Variants in DUSP16 observed in about 807,000 individuals in gnomAD.
DUSP16 encodes the protein dual specificity protein phosphatase 16.
Under a neutral mutation model 58.3 loss-of-function variants are expected in DUSP16, and 21 were observed. The observed-to-expected ratio is 0.36, with a 90% CI of 0.26 to 0.52. DUSP16 has a LOEUF of 0.52. Ranked by LOEUF, DUSP16 falls within the 20% of genes least tolerant of loss-of-function variation. The pLI is 0.94. For missense variants in DUSP16, 726 were observed against 819.0 expected (o/e 0.89, Z 1.39); for synonymous variants, 320 against 323.8 (o/e 0.99, Z 0.12).
At chr12:12,493,386 G>A (rs149052228) in intron 4 of DUSP16, among the ~76,000 whole-genome samples, 5 of 152,064 alleles carry the variant, frequency 3.3e-5, no homozygotes, top group South Asian at 2.1e-4. Flanking sequence ...CCTCCTAACC[G>A]GCCTTCCTGC....
In DUSP16 at chr12:12,476,701, G is replaced by A. The variant is rs1164449092; in HGVS notation, c.*132C>T. 3.5e-5 allele frequency: 26 copies of A among 732,846 alleles called. No individual in the cohort carries two copies. Among genetic ancestry groups the A allele is most frequent in the Non-Finnish European group, 2.2e-6 (1 of 461,836 alleles). 45.4% of individuals were successfully genotyped at this position (732,846 alleles called of 1,614,324 possible). ...GAGTAACAACTGGGTTGATCCACCT[G>A]TTGCTTTTACACCATAGCTCCATTT... On this transcript the variant is annotated 3_prime_UTR_variant, in exon 7 of 7. Coordinates refer to ENST00000298573, the MANE Select transcript of DUSP16 (RefSeq NM_030640.3).
At chr12:12,486,481 A>AGTGTGTGT (rs56941943) in intron 5 of DUSP16, among the ~76,000 whole-genome samples, 3,271 of 147,328 alleles carry the variant, frequency 0.022, 49 homozygotes, top group Middle Eastern at 0.031. Context: ...ACCAAATGAG[A>AGTGTGTGT]GTGTGTGTGT....
chr12:12,477,990 T>C lies in DUSP16; in HGVS notation c.841A>G (p.Ile281Val), dbSNP rs368492059. Residue 281 changes from isoleucine (I) to valine (V), a missense_variant, in exon 7 of 7, where the codon ATA (isoleucine) becomes GTA (valine). Ile to Val is a conservative substitution (Grantham distance 29). Coordinates refer to ENST00000298573, the MANE Select transcript of DUSP16 (RefSeq NM_030640.3). This position sits in a 1 kb window ranked among gnomAD's most constrained non-coding sequence, Gnocchi z 4.1. The stretch of plus-strand genomic sequence containing the variant: ...CCCAGAAAATTGAAGTTTGGAGATA[T>C]AGTAGGTCTTTTTTCTTTCACAAAT... ...YRFVKEKRPT[I>V]SPNFNFLGQL... The C allele has an allele frequency of 4.1e-5, 65 of 1,587,936 alleles. 1 individual carries two copies. The highest frequency in any genetic ancestry group is 4.0e-4 in the East Asian group (18 of 44,476).
chr12:12,507,705 G>A (rs1201543935), intron 3 of DUSP16, among the ~76,000 whole-genome samples: 1 of 152,202 alleles, frequency 6.6e-6, no homozygotes, highest in East Asian at 1.9e-4. Flanking sequence ...CACCTCCCGG[G>A]TTCAAGCAAT....
At chr12:12,549,585 A>G (rs1401650964) in intron 1 of DUSP16, among the ~76,000 whole-genome samples, 2 of 152,182 alleles carry the variant, frequency 1.3e-5, no homozygotes, top group African/African-American at 4.8e-5. Flanking sequence ...CCCAAAAGAA[A>G]AAAATAACAG....
At chr12:12,511,309 G>C (rs1944076704) in intron 3 of DUSP16, among the ~76,000 whole-genome samples, 1 of 152,044 alleles carries the variant, frequency 6.6e-6, no homozygotes, top group Non-Finnish European at 1.5e-5. Flanking sequence ...AGAGATGACA[G>C]GTATTGCAGC....
chr12:12,534,209 C>CA (rs1211399074), intron 1 of DUSP16, among the ~76,000 whole-genome samples: 1 of 152,224 alleles, frequency 6.6e-6, no homozygotes, highest in Non-Finnish European at 1.5e-5. Flanking sequence ...AAAGATGCAG[C>CA]AACAGCATCG....
At position 12,498,851 on chromosome 12, in the gene DUSP16, G is replaced by A. The variant is rs961357969; in HGVS notation, c.531+1668C>T. On this transcript the variant is annotated intron_variant, in intron 4 of 6. Coordinates refer to ENST00000298573, the MANE Select transcript of DUSP16 (RefSeq NM_030640.3). ...GACAAGCCTTCTATAATAACTCCTT[G>A]CCCAAGGTGTTGTCCTATAAACTTC... Among the ~76,000 whole-genome samples, 3 of 151,948 alleles carry A rather than the reference G, an allele frequency of 2.0e-5. No homozygotes were observed. The East Asian group carries it at 5.8e-4, about 29-fold the overall frequency.
Position 12,562,534 on chromosome 12 carries a change from A to T in DUSP16, c.-783T>A, listed in dbSNP as rs1944923160. On this transcript the variant is annotated 5_prime_UTR_variant, in exon 1 of 7. Transcript: ENST00000298573. ...AAAAACTGATTAAAGCCCCCCAAAC[A>T]CTGATACATAGAAAGAGGGGGAAAG... is the stretch of plus-strand genomic sequence containing the variant. Among the ~76,000 whole-genome samples, 1 of 115,386 alleles carries T rather than the reference A, an allele frequency of 8.7e-6. No individual in the cohort carries two copies. Among genetic ancestry groups the T allele is most frequent in the African/African-American group, 3.3e-5 (1 of 29,926 alleles). The allele number at this position is 115,386 out of a possible 152,430, so 75.7% of individuals were successfully genotyped here.
intron 1 of DUSP16, among the ~76,000 whole-genome samples, chr12:12,554,196 CAAAAAAAAA>C (rs59499569): frequency 3.0e-5 from 2 of 66,160 alleles, no homozygotes; most frequent in African/African-American, 5.4e-5. Flanking sequence ...AACTGGGTCT[CAAAAAAAAA>C]AAAAAAAAAA....
chr12:12,508,113 A>G (rs980600300), intron 3 of DUSP16, among the ~76,000 whole-genome samples: 56 of 152,184 alleles, frequency 3.7e-4, no homozygotes, highest in African/African-American at 1.3e-3. Flanking sequence ...AAAGGAGACA[A>G]CTCTAACATT....
intron 3 of DUSP16, among the ~76,000 whole-genome samples, chr12:12,518,139 C>T (rs1944181131): frequency 6.6e-6 from 1 of 152,112 alleles, no homozygotes; most frequent in Non-Finnish European, 1.5e-5. Context: ...TAAGGTCTCC[C>T]CATAGGGTAA....
intron 4 of DUSP16, among the ~76,000 whole-genome samples, chr12:12,495,049 T>C (rs1377972086): frequency 6.6e-6 from 1 of 152,158 alleles, no homozygotes; most frequent in Non-Finnish European, 1.5e-5. Context: ...TAACCTCCGG[T>C]AGCTTTAATT....
At chr12:12,505,510 TTGTTCATGACC>T (rs1350044533) in intron 3 of DUSP16, among the ~76,000 whole-genome samples, 2 of 152,270 alleles carry the variant, frequency 1.3e-5, no homozygotes, top group Non-Finnish European at 2.9e-5. Context: ...GGTCACTGGT[TTGTTCATGACC>T]ACCATTTACA....
chr12:12,489,754 A>C (rs1482270483), intron 4 of DUSP16, among the ~76,000 whole-genome samples: 1 of 152,266 alleles, frequency 6.6e-6, no homozygotes, highest in Non-Finnish European at 1.5e-5. Flanking sequence ...TACGATGTAC[A>C]CTTCTGACAA....
At position 12,520,956 on chromosome 12, in the gene DUSP16, A is replaced by T. The variant is rs1944226932; in HGVS notation, c.143T>A (p.Ile48Asn). The T allele has an allele frequency of 6.2e-7, 1 of 1,614,202 alleles. No individual in the cohort carries two copies. The highest frequency in any genetic ancestry group is 8.5e-7 in the Non-Finnish European group (1 of 1,180,030). Residue 48 changes from isoleucine (I) to asparagine (N), a missense_variant, in exon 2 of 7, where the codon ATC becomes AAC. Physicochemically the swap from Ile to Asn is moderately radical, Grantham distance 149 (BLOSUM62 -3). Coordinates refer to ENST00000298573, the MANE Select transcript of DUSP16 (RefSeq NM_030640.3). ...TCGCTTCATAAGCTTGGAGCAGTTGATATTAATGGCTTCCAAAATGTGGGA... is the reference window on the plus strand; with the variant it reads ...TCGCTTCATAAGCTTGGAGCAGTTGTTATTAATGGCTTCCAAAATGTGGGA... ...NTSHILEAIN[I>N]NCSKLMKRRL...
In DUSP16 at chr12:12,521,000, T is replaced by C; in HGVS notation, c.99A>G (p.Pro33=). The C allele has an allele frequency of 6.2e-7, 1 of 1,614,254 alleles. No individual in the cohort carries two copies. The highest frequency in any genetic ancestry group is 1.1e-5 in the South Asian group (1 of 91,086). Reference sequence around the variant, plus strand: ...TGTGGGATGTATTGTATTCCACAAATGGCCGGCTATCAATTAGCAGCACTT... The same window carrying C: ...TGTGGGATGTATTGTATTCCACAAACGGCCGGCTATCAATTAGCAGCACTT... ...TEKVLLIDSR[P]FVEYNTSHIL... is the part of the protein sequence containing the mutation. Residue 33 remains proline, a synonymous_variant, in exon 2 of 7, where the codon CCA becomes CCG. Transcript: ENST00000298573.
chr12:12,559,009 G>C (rs147568913), intron 1 of DUSP16, among the ~76,000 whole-genome samples: 7 of 152,150 alleles, frequency 4.6e-5, no homozygotes, highest in East Asian at 3.8e-4. Context: ...TTGTGTAGAA[G>C]AACCAGCTCT....
rs566542717 is a variant in DUSP16, at chr12:12,513,381, G to A, written c.367+6481C>T. Among the ~76,000 whole-genome samples, 11 of 152,224 alleles carry A rather than the reference G, an allele frequency of 7.2e-5. No individual in the cohort carries two copies. In the Middle Eastern group the frequency reaches 0.01, roughly 141 times the overall value. ...AGAATATGACTGAAATTCTCAAAAA[G>A]ACTGAGAAAGAGCTATTACAAAAAG... is the stretch of plus-strand genomic sequence containing the variant. On this transcript the variant is annotated intron_variant, in intron 3 of 6. Coordinates refer to ENST00000298573, the MANE Select transcript of DUSP16 (RefSeq NM_030640.3).
Sources: allele counts gnomAD v4.1 joint callset (sites outside exome capture counted in the v4.1 genomes callset), GRCh38; gene constraint gnomAD v4.1.1; non-coding constraint Gnocchi (gnomAD v3.1); transcripts MANE v1.5; gene names NCBI Gene and HGNC (gene_info 2026-07-23, HGNC 2026-07-21).